The following USP34 variants were observed in gnomAD, a reference collection of about 807,000 sequenced individuals.
The protein encoded by USP34 is ubiquitin carboxyl-terminal hydrolase 34.
A neutral mutation model predicts 460.3 loss-of-function variants in USP34; 70 were observed. The ratio of observed to expected loss-of-function variants is 0.15; its 90% confidence interval spans 0.13 to 0.19. The LOEUF is 0.19. Ranked by LOEUF, USP34 falls within the 10% of genes least tolerant of loss-of-function variation. The probability of loss-of-function intolerance (pLI) is 1.00; values close to 1 mark genes in which losing one functional copy is unlikely to be tolerated. For missense variants in USP34, 3,985 were observed against 4,236.2 expected (o/e 0.94, Z 1.65); for synonymous variants, 1,647 against 1,405.3 (o/e 1.17, Z -3.85).
At chr2:61,251,374 T>C (rs1252492936) in intron 48 of USP34, among the ~76,000 whole-genome samples, 2 of 152,216 alleles carry the variant, frequency 1.3e-5, no homozygotes, top group Admixed American at 1.3e-4. Flanking sequence ...AAATAAATAT[T>C]GTGGCCTTAT....
chr2:61,387,614 AT>A (rs1308240548), intron 5 of USP34, among the ~76,000 whole-genome samples: 2 of 147,344 alleles, frequency 1.4e-5, no homozygotes, highest in African/African-American at 4.9e-5. Context: ...CATATATAAA[AT>A]ATATATTTTT....
chr2:61,418,306 C>T (rs1694258720), intron 2 of USP34, among the ~76,000 whole-genome samples: 1 of 152,082 alleles, frequency 6.6e-6, no homozygotes, highest in East Asian at 1.9e-4. Flanking sequence ...TCTCGAACTC[C>T]TGACCTCAGG....
At chr2:61,191,693 G>A (rs976410693) in intron 76 of USP34, among the ~76,000 whole-genome samples, 45 of 152,308 alleles carry the variant, frequency 3.0e-4, no homozygotes, top group Middle Eastern at 3.4e-3. Context: ...GAAGTCAAGC[G>A]AAGGGAGTCC....
intron 1 of USP34, among the ~76,000 whole-genome samples, chr2:61,446,195 A>G (rs1054912647): frequency 4.6e-5 from 7 of 151,884 alleles, no homozygotes; most frequent in African/African-American, 1.5e-4. Flanking sequence ...ACTTCATTCC[A>G]TATTTTCCAC....
chr2:61,385,304 T>C (rs1348391538), intron 5 of USP34, among the ~76,000 whole-genome samples: 1 of 152,100 alleles, frequency 6.6e-6, no homozygotes, highest in Non-Finnish European at 1.5e-5. Flanking sequence ...ATAGATTCAG[T>C]ACAATCCAAA....
intron 2 of USP34, among the ~76,000 whole-genome samples, chr2:61,406,669 C>G (rs1032226635): frequency 6.7e-6 from 1 of 150,370 alleles, no homozygotes; most frequent in African/African-American, 2.5e-5. Context: ...TCTCTCCCCC[C>G]CAAGCTCCTG....
At chr2:61,429,049 G>T (rs1412563743) in intron 1 of USP34, among the ~76,000 whole-genome samples, 3 of 152,142 alleles carry the variant, frequency 2.0e-5, no homozygotes, top group African/African-American at 7.2e-5. Context: ...AAATAAAAAG[G>T]ATGCGCTTTG....
At chr2:61,457,322 C>A (rs1382482189) in intron 1 of USP34, among the ~76,000 whole-genome samples, 1 of 152,144 alleles carries the variant, frequency 6.6e-6, no homozygotes, top group Non-Finnish European at 1.5e-5. Flanking sequence ...AAGGGCCAAA[C>A]TGAGGTCAAA....
At chr2:61,448,707 G>T (rs1317527526) in intron 1 of USP34, among the ~76,000 whole-genome samples, 1 of 152,076 alleles carries the variant, frequency 6.6e-6, no homozygotes, top group Non-Finnish European at 1.5e-5. Context: ...TGAGTTCAAG[G>T]TTGCAGGATA....
Position 61,233,569 on chromosome 2 carries a change from T to G in USP34, c.7033-1037A>C, listed in dbSNP as rs574818991. On this transcript the variant is annotated intron_variant, in intron 57 of 79. Transcript: ENST00000398571. ...GGCCAGGTGTAATGGCTCATGCCTG[T>G]AATCTCAGCACTCTGGGAGGCAGAG... is the stretch of plus-strand genomic sequence containing the variant. Among the ~76,000 whole-genome samples the G allele has an allele frequency of 2.9e-4, 44 of 152,214 alleles. No homozygotes were observed. In the South Asian group the frequency reaches 8.7e-3, roughly 30 times the overall value.
rs764367294 is a variant in USP34 at position 61,395,163 on chromosome 2, T to C, written c.603+20A>G. On this transcript the variant is annotated intron_variant, in intron 4 of 79. Transcript: ENST00000398571. ...AAAAATAAAATTTTCCATAAAAGAA[T>C]AAAAAAGGTAAACACTTACATTCAT... The C allele has an allele frequency of 1.3e-6, 2 of 1,488,612 alleles. No individual in the cohort carries two copies. The highest frequency in any genetic ancestry group is 1.8e-6 in the Non-Finnish European group (2 of 1,094,330). 92.2% of individuals were successfully genotyped at this position (1,488,612 alleles called of 1,614,324 possible).
At chr2:61,347,372 T>C (rs1041776600) in intron 15 of USP34, among the ~76,000 whole-genome samples, 1 of 152,200 alleles carries the variant, frequency 6.6e-6, no homozygotes, top group Non-Finnish European at 1.5e-5. Flanking sequence ...TGGTTTTTTA[T>C]TGTTGTTGTT....
At chr2:61,415,021 C>A (rs1573018099) in intron 2 of USP34, among the ~76,000 whole-genome samples, 2 of 152,274 alleles carry the variant, frequency 1.3e-5, no homozygotes, top group African/African-American at 4.8e-5. Context: ...ACCTGCCACA[C>A]AAAAATGTGT....
intron 1 of USP34, among the ~76,000 whole-genome samples, chr2:61,427,132 A>C (rs1253437472): frequency 6.6e-6 from 1 of 152,184 alleles, no homozygotes; most frequent in Non-Finnish European, 1.5e-5. Flanking sequence ...GGTTCACACC[A>C]TTCTCCTGCC....
chr2:61,402,594 G>C (rs2103925340), intron 3 of USP34, among the ~76,000 whole-genome samples: 1 of 152,252 alleles, frequency 6.6e-6, no homozygotes, highest in South Asian at 2.1e-4. Context: ...TGTTGAGTAG[G>C]TTTCTAAAGA....
chr2:61,439,351 G>A (rs6735309), intron 1 of USP34, among the ~76,000 whole-genome samples: 18,957 of 152,158 alleles, frequency 0.12, 1,681 homozygotes, highest in East Asian at 0.38. Flanking sequence ...TCAGGTATGT[G>A]CACAGCTCTG....
intron 59 of USP34, 24 bp from the exon 60 acceptor site, chr2:61,229,019 T>C: frequency 2.0e-6 from 3 of 1,509,962 alleles, no homozygotes; most frequent in Non-Finnish European, 2.7e-6. Context: ...AAATAGATCT[T>C]AGAGAATGTA....
At chr2:61,395,678 C>T (rs1328066746) in intron 3 of USP34, among the ~76,000 whole-genome samples, 1 of 143,420 alleles carries the variant, frequency 7.0e-6, no homozygotes, top group Non-Finnish European at 1.5e-5. Context: ...CCCAGCTACT[C>T]GGGAGGCTGA....
At position 61,470,761 on chromosome 2, in the gene USP34, G is replaced by A; in HGVS notation, c.-69C>T. On this transcript the variant is annotated 5_prime_UTR_variant, in exon 1 of 80. Transcript: ENST00000398571. ...GACTGATCCCGACCGGCGGGGGGGAGGGGAGAGAGGCGGAGGAGGGGGCCG... is the reference window on the plus strand; with the variant it reads ...GACTGATCCCGACCGGCGGGGGGGAAGGGAGAGAGGCGGAGGAGGGGGCCG... 1.4e-6 allele frequency: 2 copies of A among 1,413,134 alleles called. No individual in the cohort carries two copies. Among genetic ancestry groups the A allele is most frequent in the Non-Finnish European group, 1.9e-6 (2 of 1,026,528 alleles). The allele number at this position is 1,413,134 out of a possible 1,614,324, so 87.5% of individuals were successfully genotyped here. A position where few individuals can be genotyped will look rare whatever the true frequency, so the allele number is the denominator to read the frequency against.
Sources: allele counts gnomAD v4.1 joint callset (sites outside exome capture counted in the v4.1 genomes callset), GRCh38; gene constraint gnomAD v4.1.1; transcripts MANE v1.5; gene names NCBI Gene and HGNC (gene_info 2026-07-23, HGNC 2026-07-21).